The following ZNF804B variants were observed in gnomAD, a reference collection of about 807,000 sequenced individuals.
The protein encoded by ZNF804B is zinc finger protein 804B.
ZNF804B carries 80 observed loss-of-function variants against 101.4 expected under a neutral mutation model. The ratio of observed to expected loss-of-function variants is 0.79; its 90% CI spans 0.66 to 0.95. The LOEUF is 0.95. Among genes scored for constraint, ZNF804B ranks in the 40% least tolerant of loss-of-function variants. The pLI is 0.00. For synonymous variants in ZNF804B, 622 were observed against 558.8 expected, an observed-to-expected ratio of 1.11 and a Z score of -1.59; for missense variants, 1,673 against 1,561.9, an observed-to-expected ratio of 1.07 and a Z score of -1.20.
intron 1 of ZNF804B, among the ~76,000 whole-genome samples, chr7:88,815,036 A>ATG (rs974621591): frequency 2.7e-5 from 4 of 148,740 alleles, no homozygotes; most frequent in South Asian, 2.1e-4. Flanking sequence ...ATATACATAT[A>ATG]TGTGTGTGTG....
chr7:88,885,537 T>G (rs144773351), intron 1 of ZNF804B, among the ~76,000 whole-genome samples: 5,506 of 151,154 alleles, frequency 0.036, 80 homozygotes, highest in Middle Eastern at 0.048. Context: ...GAATAGTCTA[T>G]TTTTCCTAAG....
At chr7:88,938,762 A>G (rs1388101602) in intron 1 of ZNF804B, among the ~76,000 whole-genome samples, 2 of 152,116 alleles carry the variant, frequency 1.3e-5, no homozygotes, top group Non-Finnish European at 2.9e-5. Flanking sequence ...AACAATACCC[A>G]GCAAATTAAC....
At chr7:89,149,616 T>C (rs1170596289) in intron 1 of ZNF804B, among the ~76,000 whole-genome samples, 1 of 152,044 alleles carries the variant, frequency 6.6e-6, no homozygotes, top group Non-Finnish European at 1.5e-5. Context: ...AGTCATTATC[T>C]AAAACTTGAG....
At chr7:89,057,371 GGGA>G (rs1562872669) in intron 1 of ZNF804B, among the ~76,000 whole-genome samples, 1 of 151,952 alleles carries the variant, frequency 6.6e-6, no homozygotes, top group Non-Finnish European at 1.5e-5. Context: ...ATCAACCCTG[GGGA>G]GGGGGCAGTT....
In ZNF804B at chr7:89,158,528, G is replaced by A. The variant is rs13230395; in HGVS notation, c.109-59627G>A. ...GATTATTGCTCTTGTTTTCTAACTG[G>A]TGTATCTGCTTCACCCTTACCTAAT... On this transcript the variant is annotated intron_variant, in intron 1 of 3. Transcript: ENST00000333190. 7.3e-3 allele frequency among the ~76,000 whole-genome samples: 1,112 copies of A among 152,138 alleles called. 12 individuals carry two copies. The highest frequency in any genetic ancestry group is 0.012 in the Admixed American group (181 of 15,268).
At chr7:89,202,692 C>T (rs960756590) in intron 1 of ZNF804B, among the ~76,000 whole-genome samples, 2 of 152,088 alleles carry the variant, frequency 1.3e-5, no homozygotes, top group African/African-American at 2.4e-5. Flanking sequence ...ATAGACCCTC[C>T]TGAATTAATT....
chr7:88,850,004 T>G (rs1318520430), intron 1 of ZNF804B, among the ~76,000 whole-genome samples: 2 of 152,058 alleles, frequency 1.3e-5, no homozygotes, highest in African/African-American at 4.8e-5. Flanking sequence ...TGAAAAGACT[T>G]TTTTCCACAA....
intron 1 of ZNF804B, among the ~76,000 whole-genome samples, chr7:89,205,387 C>A (rs531352548): frequency 1.3e-5 from 2 of 152,188 alleles, no homozygotes; most frequent in Admixed American, 1.3e-4. Context: ...AATCCAAAGT[C>A]TCATCTGAGA....
rs544955057 is a variant in ZNF804B, at chr7:89,148,471, C to A, written c.109-69684C>A. On this transcript the variant is annotated intron_variant, in intron 1 of 3. Coordinates refer to ENST00000333190, the MANE Select transcript of ZNF804B (RefSeq NM_181646.5). ...TTCATTCTCTTGGAAAATTCCATGT[C>A]ATTCTATTTGCATTTTACATTTAAC... is the stretch of plus-strand genomic sequence containing the variant. Among the ~76,000 whole-genome samples the A allele has an allele frequency of 1.6e-3, 249 of 152,174 alleles. 1 individual carries two copies. Among genetic ancestry groups the A allele is most frequent in the African/African-American group, 5.4e-3 (226 of 41,538 alleles).
intron 1 of ZNF804B, among the ~76,000 whole-genome samples, chr7:89,158,536 G>A (rs1359795368): frequency 6.6e-6 from 1 of 151,996 alleles, no homozygotes; most frequent in African/African-American, 2.4e-5. Context: ...TGGTGTATCT[G>A]CTTCACCCTT....
intron 1 of ZNF804B, among the ~76,000 whole-genome samples, chr7:89,105,183 GA>G (rs1350151880): frequency 3.9e-5 from 6 of 152,044 alleles, no homozygotes; most frequent in Non-Finnish European, 7.4e-5. Flanking sequence ...GGTTGTCTCT[GA>G]GTCTAGCTCA....
At chr7:88,965,202 A>G (rs943630550) in intron 1 of ZNF804B, among the ~76,000 whole-genome samples, 24 of 151,402 alleles carry the variant, frequency 1.6e-4, no homozygotes, top group Admixed American at 1.3e-3. Flanking sequence ...TTGACTTAGT[A>G]CCTTCTTTCC....
intron 1 of ZNF804B, among the ~76,000 whole-genome samples, chr7:89,090,748 C>T (rs1789871709): frequency 1.3e-5 from 2 of 152,006 alleles, no homozygotes; most frequent in South Asian, 4.2e-4. Flanking sequence ...TCAAAAAATA[C>T]AAAAATACTA....
rs1789144338 is a variant in ZNF804B, at chr7:89,229,051, G to A, written c.249+10756G>A. 2.0e-5 allele frequency among the ~76,000 whole-genome samples: 3 copies of A among 152,310 alleles called. No homozygotes were observed. In the South Asian group the frequency reaches 6.2e-4, roughly 32 times the overall value. On this transcript the variant is annotated intron_variant, in intron 2 of 3. Coordinates refer to ENST00000333190, the MANE Select transcript of ZNF804B (RefSeq NM_181646.5). The stretch of plus-strand genomic sequence containing the variant: ...GGGCCCGCGGAGCCCACGCCCACCT[G>A]GAACTCGCGCTGGCACGCAAGCACC...
chr7:89,242,355 T>C (rs1001903926), intron 2 of ZNF804B, among the ~76,000 whole-genome samples: 5 of 151,964 alleles, frequency 3.3e-5, no homozygotes, highest in Non-Finnish European at 5.9e-5. Context: ...TTTACCTTGC[T>C]TTTTTCCCCT....
chr7:89,256,047 T>C (rs900466628), intron 2 of ZNF804B, among the ~76,000 whole-genome samples: 2 of 152,142 alleles, frequency 1.3e-5, no homozygotes, highest in African/African-American at 4.8e-5. Flanking sequence ...TGTTCAATAC[T>C]AGTGTGCTGG....
At chr7:88,845,144 T>A (rs1167164624) in intron 1 of ZNF804B, among the ~76,000 whole-genome samples, 1 of 152,218 alleles carries the variant, frequency 6.6e-6, no homozygotes, top group African/African-American at 2.4e-5. Flanking sequence ...CATGTAGCAA[T>A]AGCTCTTGCC....
At chr7:89,219,885 GTATATATGTATATATGTGTGTGCA>G (rs1450836545) in intron 2 of ZNF804B, among the ~76,000 whole-genome samples, 1 of 45,004 alleles carries the variant, frequency 2.2e-5, no homozygotes, top group Non-Finnish European at 4.6e-5. Context: ...GTATATGTGT[GTATATATGTATATATGTGTGTGCA>G]TATATATGTA....
chr7:88,931,748 G>A (rs1000763467), intron 1 of ZNF804B, among the ~76,000 whole-genome samples: 2 of 151,702 alleles, frequency 1.3e-5, no homozygotes, highest in African/African-American at 4.8e-5. Context: ...ACCTTGCCTG[G>A]AATCTAGTAA....
Sources: allele counts gnomAD v4.1 joint callset (sites outside exome capture counted in the v4.1 genomes callset), GRCh38; gene constraint gnomAD v4.1.1; transcripts MANE v1.5; gene names NCBI Gene and HGNC (gene_info 2026-07-23, HGNC 2026-07-21).